The following OSBPL1A variants were observed in gnomAD, a reference collection of about 807,000 sequenced individuals.
OSBPL1A encodes the protein oxysterol-binding protein-related protein 1.
OSBPL1A carries 80 observed loss-of-function variants against 137.1 expected under a neutral mutation model. That is an observed-to-expected ratio of 0.58 (90% CI 0.49 to 0.70). The LOEUF (loss-of-function observed/expected upper bound fraction) is 0.70. Among genes scored for constraint, OSBPL1A ranks in the 30% least tolerant of loss-of-function variants. The pLI, the probability that OSBPL1A is intolerant of heterozygous loss-of-function variation, is 0.00. For synonymous variants in OSBPL1A, 365 were observed against 389.7 expected, an observed-to-expected ratio of 0.94 and a Z score of 0.75; for missense variants, 970 against 1,129.4, an observed-to-expected ratio of 0.86 and a Z score of 2.02.
At position 24,181,767 on chromosome 18, in the gene OSBPL1A, A is replaced by G. The variant is rs139036822; in HGVS notation, c.1678-488T>C. On this transcript the variant is annotated intron_variant, in intron 18 of 27. Coordinates refer to ENST00000319481, the MANE Select transcript of OSBPL1A (RefSeq NM_080597.4). The stretch of plus-strand genomic sequence containing the variant: ...CTCACCAATCAGAAACTGCCAAACT[A>G]ACCTCTATCTAGGAATGTTACACTT... Among the ~76,000 whole-genome samples, 6 of 152,232 alleles carry G rather than the reference A, an allele frequency of 3.9e-5. No individual in the cohort carries two copies. In the East Asian group the frequency reaches 1.2e-3, roughly 29 times the overall value.
intron 16 of OSBPL1A, among the ~76,000 whole-genome samples, chr18:24,230,871 T>C (rs928265024): frequency 2.0e-5 from 3 of 152,332 alleles, no homozygotes; most frequent in Admixed American, 6.5e-5. Flanking sequence ...AATGGAATAC[T>C]CTTGATAAGC....
chr18:24,182,213 C>T (rs913339060), intron 18 of OSBPL1A, among the ~76,000 whole-genome samples: 16 of 152,118 alleles, frequency 1.1e-4, no homozygotes, highest in Admixed American at 8.5e-4. Context: ...TGCCAGAATG[C>T]CTCCATCACA....
intron 15 of OSBPL1A, among the ~76,000 whole-genome samples, chr18:24,260,503 G>C (rs778103841): frequency 1.6e-4 from 24 of 152,126 alleles, no homozygotes; most frequent in South Asian, 4.1e-4. Context: ...GCTACAATGC[G>C]CATGAACCTC....
At chr18:24,345,018 T>C (rs1308795502) in intron 4 of OSBPL1A, among the ~76,000 whole-genome samples, 2 of 151,794 alleles carry the variant, frequency 1.3e-5, no homozygotes, top group Non-Finnish European at 2.9e-5. Flanking sequence ...TTTTGCCATA[T>C]TGCCCAGGCT....
chr18:24,347,416 C>T (rs2091363538), intron 4 of OSBPL1A, among the ~76,000 whole-genome samples: 1 of 152,150 alleles, frequency 6.6e-6, no homozygotes, highest in Admixed American at 6.5e-5. Context: ...AACTCTTGAC[C>T]TCAGGCGATC....
chr18:24,271,156 CACTTCTCGTATTCTT>C lies in OSBPL1A; in HGVS notation c.1281+9671_1281+9685del, dbSNP rs1329543757. On this transcript the variant is annotated intron_variant, in intron 15 of 27. Transcript: ENST00000319481. This position sits in a 1 kb window ranked among gnomAD's most constrained non-coding sequence, Gnocchi z 4.0. The stretch of plus-strand genomic sequence containing the variant: ...CCTTTCTCTCCTTAATCCGCTCATG[CACTTCTCGTATTCTT>C]GGAATTTCAGCGGCCTCTGAAGAGC... 6.6e-6 allele frequency among the ~76,000 whole-genome samples: 1 copy of C among 152,214 alleles called. No individual in the cohort carries two copies. The highest frequency in any genetic ancestry group is 3.2e-3 in the Middle Eastern group (1 of 316).
chr18:24,230,460 G>A (rs1386314206), intron 16 of OSBPL1A, among the ~76,000 whole-genome samples: 2 of 152,166 alleles, frequency 1.3e-5, no homozygotes, highest in African/African-American at 2.4e-5. Flanking sequence ...ACAAAAACCA[G>A]GCAAACACAC....
At chr18:24,301,615 T>C (rs1294549288) in intron 14 of OSBPL1A, among the ~76,000 whole-genome samples, 1 of 152,234 alleles carries the variant, frequency 6.6e-6, no homozygotes, top group Non-Finnish European at 1.5e-5. Context: ...TTCACATGTG[T>C]GAATTTTGTT....
intron 14 of OSBPL1A, among the ~76,000 whole-genome samples, chr18:24,295,524 T>C (rs2090273320): frequency 6.6e-6 from 1 of 152,260 alleles, no homozygotes; most frequent in African/African-American, 2.4e-5. Context: ...TCTTCTAGAA[T>C]TGTTAGGCTT....
chr18:24,307,917 G>A (rs1346071880), intron 13 of OSBPL1A, among the ~76,000 whole-genome samples: 6 of 151,702 alleles, frequency 4.0e-5, no homozygotes, highest in Non-Finnish European at 8.8e-5. Context: ...AGGCTCCTGT[G>A]TAGTTGGGAT....
At chr18:24,202,390 C>T (rs888219979) in intron 17 of OSBPL1A, among the ~76,000 whole-genome samples, 1 of 152,182 alleles carries the variant, frequency 6.6e-6, no homozygotes, top group African/African-American at 2.4e-5. Context: ...TTATAAAGTA[C>T]AAACATACTA....
At chr18:24,166,797 C>T (rs1567912760) in intron 25 of OSBPL1A, 95 bp from the exon 26 acceptor site, 2 of 1,257,868 alleles carry the variant, frequency 1.6e-6, no homozygotes, top group East Asian at 4.8e-5. Context: ...TGACAATGAC[C>T]CCCTCCCTTT....
At chr18:24,232,771 C>T (rs2088322133) in intron 16 of OSBPL1A, among the ~76,000 whole-genome samples, 1 of 152,142 alleles carries the variant, frequency 6.6e-6, no homozygotes, top group Non-Finnish European at 1.5e-5. Flanking sequence ...TTACTAAGTA[C>T]CTACCACACA....
At chr18:24,395,810 C>G (rs1907695062) in intron 1 of OSBPL1A, among the ~76,000 whole-genome samples, 1 of 151,332 alleles carries the variant, frequency 6.6e-6, no homozygotes, top group Non-Finnish European at 1.5e-5. Context: ...TTAGTAGAGA[C>G]AGGGTTTCAT....
chr18:24,386,179 G>A (rs1410446631), intron 1 of OSBPL1A, among the ~76,000 whole-genome samples: 1 of 152,104 alleles, frequency 6.6e-6, no homozygotes, highest in Non-Finnish European at 1.5e-5. Flanking sequence ...ATGGGTCACG[G>A]GGTCAATACA....
At chr18:24,337,735 T>C (rs373419527) in intron 5 of OSBPL1A, among the ~76,000 whole-genome samples, 124 of 151,904 alleles carry the variant, frequency 8.2e-4, no homozygotes, top group Middle Eastern at 3.5e-3. Context: ...AAGGTCATTA[T>C]TTGGACAACT....
At position 24,178,089 on chromosome 18, in the gene OSBPL1A, T is replaced by G. The variant is rs199658243; in HGVS notation, c.2017A>C (p.Ile673Leu). 6.2e-7 allele frequency: 1 copy of G among 1,613,252 alleles called. No individual in the cohort carries two copies. The highest frequency in any genetic ancestry group is 1.3e-5 in the African/African-American group (1 of 74,682). ...CCCCAGAATTTCAGTTTGGGATAGATAGAGCCATGAAAGATGAAGTCATTG... is the reference window on the plus strand; with the variant it reads ...CCCCAGAATTTCAGTTTGGGATAGAGAGAGCCATGAAAGATGAAGTCATTG... The part of the protein sequence containing the change: ...LNNDFIFHGS[I>L]YPKLKFWGKS... Residue 673 changes from isoleucine (I) to leucine (L), a missense_variant, in exon 21 of 28, where the codon ATC becomes CTC. Around this residue, in one of 2 missense-constraint regions of OSBPL1A, gnomAD observed 323 missense variants for 456.8 expected, o/e 0.71. Transcript: ENST00000319481.
intron 1 of OSBPL1A, among the ~76,000 whole-genome samples, chr18:24,382,558 C>T (rs1906674832): frequency 6.6e-6 from 1 of 151,286 alleles, no homozygotes; most frequent in Admixed American, 6.6e-5. Flanking sequence ...GCCTGTGTAA[C>T]AGAGACTCCG....
intron 13 of OSBPL1A, among the ~76,000 whole-genome samples, chr18:24,309,668 A>T (rs1343834203): frequency 1.3e-5 from 2 of 152,210 alleles, no homozygotes; most frequent in Non-Finnish European, 2.9e-5. Context: ...CAGTCTACTG[A>T]CAAGCTATGA....
Sources: allele counts gnomAD v4.1 joint callset (sites outside exome capture counted in the v4.1 genomes callset), GRCh38; gene constraint gnomAD v4.1.1; regional missense constraint gnomAD v4.1.1; non-coding constraint Gnocchi (gnomAD v3.1); transcripts MANE v1.5; gene names NCBI Gene and HGNC (gene_info 2026-07-23, HGNC 2026-07-21).